Variants in RALYL observed in about 807,000 individuals in gnomAD.
The protein encoded by RALYL is RALY RNA binding protein like.
Under a neutral mutation model 35.1 loss-of-function variants are expected in RALYL, and 29 were observed. The observed-to-expected ratio is 0.83, with a 90% CI of 0.61 to 1.13. RALYL has a LOEUF of 1.13. Among genes scored for constraint, RALYL ranks in the 50% most tolerant of loss-of-function variants. The pLI, the probability that RALYL is intolerant of heterozygous loss-of-function variation, is 0.00. For missense variants in RALYL, 359 were observed against 360.4 expected, an observed-to-expected ratio of 1.00 and a Z score of 0.03; for synonymous variants, 120 against 127.6, an observed-to-expected ratio of 0.94 and a Z score of 0.40.
intron 2 of RALYL, among the ~76,000 whole-genome samples, chr8:84,562,886 G>A (rs1057049272): frequency 1.1e-4 from 17 of 151,912 alleles, no homozygotes; most frequent in South Asian, 6.2e-4. Context: ...CCTTGGGCAC[G>A]AGACTCAATC....
chr8:84,623,757 A>G (rs1277132412), intron 2 of RALYL, among the ~76,000 whole-genome samples: 1 of 152,200 alleles, frequency 6.6e-6, no homozygotes. Context: ...GATGAGGACT[A>G]TCACAAATAT....
chr8:84,779,860 C>A (rs1817684330), intron 3 of RALYL, among the ~76,000 whole-genome samples: 1 of 152,088 alleles, frequency 6.6e-6, no homozygotes, highest in Admixed American at 6.5e-5. Context: ...AAAAGGGACC[C>A]TTGAATCACC....
chr8:84,196,752 C>G (rs1055621079), intron 1 of RALYL, among the ~76,000 whole-genome samples: 1 of 152,168 alleles, frequency 6.6e-6, no homozygotes, highest in African/African-American at 2.4e-5. Flanking sequence ...TTTTTAAATA[C>G]TCTCTGATCA....
intron 1 of RALYL, among the ~76,000 whole-genome samples, chr8:84,450,392 T>C (rs954540636): frequency 2.6e-5 from 4 of 151,832 alleles, no homozygotes; most frequent in Non-Finnish European, 1.5e-5. Context: ...CTGAGAAGGA[T>C]AGGAAATAAT....
chr8:84,517,599 T>C (rs1476546498), intron 1 of RALYL, among the ~76,000 whole-genome samples: 1 of 152,152 alleles, frequency 6.6e-6, no homozygotes, highest in Non-Finnish European at 1.5e-5. Context: ...GCACTAGTAA[T>C]CAAAGTCCAA....
chr8:84,297,198 C>T (rs1180492342), intron 1 of RALYL, among the ~76,000 whole-genome samples: 2 of 151,982 alleles, frequency 1.3e-5, no homozygotes, highest in Non-Finnish European at 2.9e-5. Flanking sequence ...TCCTTCCTCT[C>T]CCTCCTCCCA....
chr8:84,712,333 G>A (rs770010966), intron 2 of RALYL, among the ~76,000 whole-genome samples: 7 of 152,070 alleles, frequency 4.6e-5, no homozygotes, highest in Non-Finnish European at 7.4e-5. Context: ...ATAACACCCC[G>A]ATACAGATTG....
At position 84,818,666 on chromosome 8, in the gene RALYL, A is replaced by G. The variant is rs141410260; in HGVS notation, c.365+13864A>G. Among the ~76,000 whole-genome samples, 1,102 of 152,324 alleles carry G rather than the reference A, an allele frequency of 7.2e-3. 16 individuals are homozygous for G. The highest frequency in any genetic ancestry group is 0.025 in the African/African-American group (1,035 of 41,572). Reference sequence around the variant, plus strand: ...CTCATTCTGTGGGTGAAGTGGAGCCATTCAATGATGTATACCTGCTTGGCT... The same window carrying G: ...CTCATTCTGTGGGTGAAGTGGAGCCGTTCAATGATGTATACCTGCTTGGCT... On this transcript the variant is annotated intron_variant, in intron 4 of 8. Coordinates refer to ENST00000521268, the MANE Select transcript of RALYL (RefSeq NM_173848.7).
chr8:84,688,145 G>A (rs1225049350), intron 2 of RALYL, among the ~76,000 whole-genome samples: 1 of 151,162 alleles, frequency 6.6e-6, no homozygotes, highest in Non-Finnish European at 1.5e-5. Context: ...GCTTAGGAAC[G>A]CATATTTGTA....
At chr8:84,452,323 A>G (rs1417053820) in intron 1 of RALYL, among the ~76,000 whole-genome samples, 2 of 151,386 alleles carry the variant, frequency 1.3e-5, no homozygotes, top group African/African-American at 2.4e-5. Flanking sequence ...CTTTAGATTC[A>G]TAATTCATTC....
intron 1 of RALYL, among the ~76,000 whole-genome samples, chr8:84,239,634 T>C (rs1463564615): frequency 1.3e-5 from 2 of 152,172 alleles, no homozygotes; most frequent in Non-Finnish European, 2.9e-5. Flanking sequence ...CTCACGCCTG[T>C]AGTCCTAGCA....
At chr8:84,401,339 T>C (rs1444186998) in intron 1 of RALYL, among the ~76,000 whole-genome samples, 6 of 152,058 alleles carry the variant, frequency 3.9e-5, no homozygotes, top group African/African-American at 1.4e-4. Context: ...TTATGGAACA[T>C]TTGAAAATAT....
intron 1 of RALYL, among the ~76,000 whole-genome samples, chr8:84,468,121 T>G (rs186001012): frequency 1.3e-4 from 20 of 152,028 alleles, no homozygotes; most frequent in African/African-American, 4.8e-4. Flanking sequence ...TGTCTTTTAA[T>G]TGGAGAATTT....
At chr8:84,553,285 C>A (rs552251123) in intron 2 of RALYL, among the ~76,000 whole-genome samples, 1 of 152,212 alleles carries the variant, frequency 6.6e-6, no homozygotes, top group Admixed American at 6.5e-5. Context: ...CCTCAGCCTC[C>A]CAAGTAATTG....
intron 2 of RALYL, among the ~76,000 whole-genome samples, chr8:84,669,460 T>C (rs1013662246): frequency 6.1e-5 from 9 of 146,954 alleles, no homozygotes; most frequent in Non-Finnish European, 1.0e-4. Flanking sequence ...TAGTTAGTTA[T>C]TCAGCCCACA....
chr8:84,464,294 C>A (rs1284008449), intron 1 of RALYL, among the ~76,000 whole-genome samples: 15 of 151,278 alleles, frequency 9.9e-5, no homozygotes, highest in African/African-American at 3.2e-4. Context: ...CTCCCCCGTA[C>A]CCCTACCCCA....
chr8:84,842,943 A>C (rs564933274), intron 4 of RALYL, among the ~76,000 whole-genome samples: 2 of 152,342 alleles, frequency 1.3e-5, no homozygotes, highest in African/African-American at 4.8e-5. Context: ...ATTCTCAATA[A>C]ATTAGGTATT....
intron 2 of RALYL, among the ~76,000 whole-genome samples, chr8:84,634,746 A>G (rs559740714): frequency 6.6e-6 from 1 of 151,902 alleles, no homozygotes; most frequent in South Asian, 2.1e-4. Flanking sequence ...AAGCCATAGT[A>G]TAGTGTGTCC....
chr8:84,648,890 A>G (rs1376675534), intron 2 of RALYL, among the ~76,000 whole-genome samples: 5 of 151,732 alleles, frequency 3.3e-5, no homozygotes, highest in Non-Finnish European at 7.4e-5. Context: ...TACCTATCTG[A>G]GAAGATTTTC....
Sources: allele counts gnomAD v4.1 joint callset (sites outside exome capture counted in the v4.1 genomes callset), GRCh38; gene constraint gnomAD v4.1.1; transcripts MANE v1.5; gene names NCBI Gene and HGNC (gene_info 2026-07-23, HGNC 2026-07-21).